DMBT1: variants seen among roughly 807,000 people sequenced by gnomAD.
DMBT1 encodes the protein deleted in malignant brain tumors 1, also known as scavenger receptor cysteine-rich domain-containing protein DMBT1.
In DMBT1, 198 loss-of-function variants were observed where a neutral mutation model predicts 252.9. The ratio of observed to expected loss-of-function variants is 0.78; its 90% CI spans 0.70 to 0.88. The LOEUF is 0.88. DMBT1 is among the 40% of genes least tolerant of loss of function. The pLI is 0.00. For missense variants in DMBT1, 2,432 were observed against 2,404.7 expected, an observed-to-expected ratio of 1.01 and a Z score of -0.24; for synonymous variants, 990 against 942.7, an observed-to-expected ratio of 1.05 and a Z score of -0.92.
At chr10:122,622,704 G>A (rs781778627) in intron 44 of DMBT1, among the ~76,000 whole-genome samples, 3 of 152,134 alleles carry the variant, frequency 2.0e-5, no homozygotes, top group African/African-American at 4.8e-5. Context: ...TAGCTCTGAC[G>A]GCTCAGCCAG....
intron 5 of DMBT1, among the ~76,000 whole-genome samples, chr10:122,572,611 G>A (rs181210982): frequency 9.8e-5 from 15 of 152,300 alleles, no homozygotes; most frequent in African/African-American, 3.1e-4. Flanking sequence ...CTTCATTGAT[G>A]TTGGAGTGTG....
intron 49 of DMBT1, 69 bp downstream of exon 49, chr10:122,631,350 T>A: frequency 6.4e-7 from 1 of 1,557,354 alleles, no homozygotes; most frequent in South Asian, 1.2e-5. Flanking sequence ...TTAAGGCCAG[T>A]GGCTGATGGT....
In DMBT1 at chr10:122,621,114, G is replaced by T. The variant is rs199501579; in HGVS notation, c.5342G>T (p.Arg1781Leu). ...AATGGAGGTGACAGGTGTCGAGGCC[G>T]AGTGGAGGTCCTGTATCGAGGCTCC... ...LVNGGDRCRG[R>L]VEVLYRGSWG... Residue 1781 changes from arginine (R) to leucine (L), a missense_variant, in exon 44 of 56, where the codon CGA becomes CTA. Around this residue, in one of 3 missense-constraint regions of DMBT1, gnomAD observed 1,162 missense variants for 1,169.0 expected, o/e 0.99. Coordinates refer to ENST00000338354, the MANE Select transcript of DMBT1 (RefSeq NM_001377530.1). 8.7e-6 allele frequency: 14 copies of T among 1,613,608 alleles called. No individual in the cohort carries two copies. Among genetic ancestry groups the T allele is most frequent in the Admixed American group, 1.7e-5 (1 of 60,000 alleles).
In DMBT1 at chr10:122,643,373, C is replaced by T; in HGVS notation, c.7604C>T (p.Pro2535Leu). 3 of 1,613,696 alleles carry T rather than the reference C, an allele frequency of 1.9e-6. No homozygotes were observed. The highest frequency in any genetic ancestry group is 2.5e-6 in the Non-Finnish European group (3 of 1,179,754). ...VLGPIQLQTP[P>L]RREEEPR ...GGTCCCATCCAGCTGCAGACCCCCCCACGCCGAGAAGAGGAGCCTCGGTAG... is the reference window on the plus strand; with the variant it reads ...GGTCCCATCCAGCTGCAGACCCCCCTACGCCGAGAAGAGGAGCCTCGGTAG... Residue 2535 changes from proline (P) to leucine (L), a missense_variant, in exon 56 of 56, where the codon CCA becomes CTA. Physicochemically the swap from Pro to Leu is moderately conservative, Grantham distance 98. Transcript: ENST00000338354.
chr10:122,621,572 A>C (rs2098069194), intron 44 of DMBT1, among the ~76,000 whole-genome samples, 192 bp downstream of exon 44: 1 of 152,144 alleles, frequency 6.6e-6, no homozygotes, highest in Non-Finnish European at 1.5e-5. Flanking sequence ...AGGACAGGGG[A>C]CCAAACTGAA....
intron 25 of DMBT1, among the ~76,000 whole-genome samples, chr10:122,598,237 C>G (rs2097903297): frequency 6.6e-6 from 1 of 152,022 alleles, no homozygotes; most frequent in Non-Finnish European, 1.5e-5. Flanking sequence ...TCCAAGTGGT[C>G]AGGAAACATC....
rs2097715303 is a variant in DMBT1 at position 122,576,688 on chromosome 10, TG to T, written c.575del (p.Gly192AlafsTer43). The T allele has an allele frequency of 6.2e-7, 1 of 1,613,642 alleles. No homozygotes were observed. Among genetic ancestry groups the T allele is most frequent in the Non-Finnish European group, 8.5e-7 (1 of 1,179,726 alleles). ...ACAATGGCTGGCTCTCCCATAACTGTGGCCATGGTGAAGATGCTGGTGTTAT... is the reference window on the plus strand; with the variant it reads ...ACAATGGCTGGCTCTCCCATAACTGTGCCATGGTGAAGATGCTGGTGTTAT... ...PHNGWLSHNC[G>X]HGEDAGVICS... On this transcript the variant is annotated frameshift_variant, in exon 7 of 56. Transcript: ENST00000338354. LOFTEE classifies it high-confidence loss of function.
chr10:122,630,862 A>T, intron 48 of DMBT1, 99 bp from the exon 49 acceptor site: 1 of 1,318,742 alleles, frequency 7.6e-7, no homozygotes, highest in Non-Finnish European at 1.0e-6. Context: ...GCGACTTTAG[A>T]GGTGGGAAAA....
At chr10:122,568,946 T>C (rs2097631876) in intron 2 of DMBT1, among the ~76,000 whole-genome samples, 1 of 152,222 alleles carries the variant, frequency 6.6e-6, no homozygotes, top group Non-Finnish European at 1.5e-5. Flanking sequence ...TCTGCAACTC[T>C]GAGTCAATAT....
chr10:122,631,159 G>A lies in DMBT1; in HGVS notation c.6224G>A (p.Gly2075Asp), dbSNP rs751592621. The A allele has an allele frequency of 1.9e-6, 3 of 1,614,014 alleles. No individual in the cohort carries two copies. The highest frequency in any genetic ancestry group is 2.5e-6 in the Non-Finnish European group (3 of 1,179,902). ...LGNAYFGSGS[G>D]PITLDDVECS... The stretch of plus-strand genomic sequence containing the variant: ...AATGCATATTTTGGCTCTGGCTCTG[G>A]CCCCATCACCCTGGACGATGTAGAG... Residue 2075 changes from glycine to aspartate, a missense_variant, in exon 49 of 56, where the codon GGC becomes GAC. Gly to Asp is a moderately conservative substitution (Grantham distance 94). Transcript: ENST00000338354.
intron 27 of DMBT1, 96 bp from the exon 28 acceptor site, chr10:122,600,895 T>G (rs1436146151): frequency 1.5e-6 from 1 of 645,704 alleles, no homozygotes; most frequent in Non-Finnish European, 2.8e-6. Context: ...GGAAGTGGAA[T>G]TGTTGCCAGG....
intron 44 of DMBT1, among the ~76,000 whole-genome samples, chr10:122,622,527 A>G (rs1311093745): frequency 1.3e-5 from 2 of 152,114 alleles, no homozygotes; most frequent in African/African-American, 2.4e-5. Flanking sequence ...GGGCTTCACT[A>G]TCAACTTGCT....
chr10:122,584,619 C>G (rs1178010896), intron 14 of DMBT1, among the ~76,000 whole-genome samples: 1 of 148,890 alleles, frequency 6.7e-6, no homozygotes, highest in Non-Finnish European at 1.5e-5. Context: ...AGGAAGTGGC[C>G]TCATATTTAA....
chr10:122,565,947 C>T lies in DMBT1; in HGVS notation c.62-20C>T, dbSNP rs2097586127. 5 of 1,613,242 alleles carry T rather than the reference C, an allele frequency of 3.1e-6. No homozygotes were observed. Among genetic ancestry groups the T allele is most frequent in the Non-Finnish European group, 3.4e-6 (4 of 1,179,356 alleles). On this transcript the variant is annotated intron_variant, in intron 1 of 55. Transcript: ENST00000338354. ...TCATTTCTAAACAGTGTTTCTAAGA[C>T]GAATTTGTGTTCTTTCCAGGTGGGT...
intron 52 of DMBT1, among the ~76,000 whole-genome samples, chr10:122,633,630 G>A (rs1022148935): frequency 6.6e-6 from 1 of 152,210 alleles, no homozygotes; most frequent in African/African-American, 2.4e-5. Flanking sequence ...ACCACAGGAA[G>A]TCACTCAACT....
chr10:122,640,459 G>A lies in DMBT1; in HGVS notation c.7352+10G>A. 6.2e-7 allele frequency: 1 copy of A among 1,604,848 alleles called. No homozygotes were observed. The highest frequency in any genetic ancestry group is 8.5e-7 in the Non-Finnish European group (1 of 1,175,150). On this transcript the variant is annotated intron_variant, in intron 55 of 55. Transcript: ENST00000338354. ...ATCTAATCCGGAGTGGGTAAGGAGT[G>A]TCTTTATGCGATGGCCTTAAACCTT... is the stretch of plus-strand genomic sequence containing the variant.
intron 46 of DMBT1, 71 bp from the exon 47 acceptor site, chr10:122,629,769 C>A: frequency 2.6e-6 from 4 of 1,548,768 alleles, no homozygotes; most frequent in Non-Finnish European, 3.5e-6. Context: ...ATGATACTTA[C>A]ACAGATGATT....
intron 52 of DMBT1, among the ~76,000 whole-genome samples, chr10:122,635,757 C>T (rs891591028): frequency 2.0e-5 from 3 of 152,054 alleles, no homozygotes; most frequent in Non-Finnish European, 2.9e-5. Context: ...GGTTTCACCA[C>T]GTTGGCCAGG....
intron 47 of DMBT1, 49 bp downstream of exon 47, chr10:122,630,042 A>T (rs374614991): frequency 2.6e-5 from 42 of 1,608,140 alleles, no homozygotes; most frequent in Admixed American, 3.3e-5. Flanking sequence ...TCTGCAGCAC[A>T]CCCACTGGTT....
Sources: gnomAD v4.1 joint callset for allele counts (sites outside exome capture counted in the v4.1 genomes callset) on GRCh38, gnomAD v4.1.1 for gene constraint, gnomAD v4.1.1 regional missense constraint, MANE v1.5 for transcripts, NCBI Gene and HGNC (gene_info 2026-07-23, HGNC 2026-07-21) for gene names.